TSPAN15: variants seen among roughly 807,000 people sequenced by gnomAD.
TSPAN15 encodes the protein tetraspanin-15.
In TSPAN15, 20 loss-of-function variants were observed where a neutral mutation model predicts 34.5. The observed-to-expected ratio is 0.58, with a 90% CI of 0.41 to 0.84. The LOEUF (loss-of-function observed/expected upper bound fraction) is 0.84, where lower values mean the gene tolerates loss of function less well. Among genes scored for constraint, TSPAN15 ranks in the 40% least tolerant of loss-of-function variants. The pLI, the probability that TSPAN15 is intolerant of heterozygous loss-of-function variation, is 0.00. For synonymous variants in TSPAN15, 155 were observed against 153.9 expected (o/e 1.01, Z -0.05); for missense variants, 313 against 386.1 (o/e 0.81, Z 1.59).
At chr10:69,493,689 G>T (rs1008415301) in intron 3 of TSPAN15, among the ~76,000 whole-genome samples, 2 of 152,156 alleles carry the variant, frequency 1.3e-5, no homozygotes, top group African/African-American at 2.4e-5. Context: ...AGCCAGGATG[G>T]TCTTGATCTC....
At chr10:69,530,623 T>C in the TSPAN15 span, among the ~76,000 whole-genome samples, 2 of 144,996 alleles carry the variant, frequency 1.4e-5, 1 homozygote, top group Non-Finnish European at 3.0e-5. Flanking sequence ...CTGGCCAACA[T>C]AGTGAGACCC....
the TSPAN15 span, among the ~76,000 whole-genome samples, chr10:69,527,106 T>A: frequency 6.8e-6 from 1 of 147,882 alleles, no homozygotes; most frequent in Non-Finnish European, 1.5e-5. Context: ...GATAAATAAG[T>A]TGTGTTATGT....
the TSPAN15 span, among the ~76,000 whole-genome samples, chr10:69,525,776 G>A: frequency 0.14 from 19,319 of 140,454 alleles, 2,920 homozygotes; most frequent in East Asian, 0.24. Context: ...AGCTGAGATC[G>A]CACCACTGCA....
chr10:69,523,992 A>G, the TSPAN15 span, among the ~76,000 whole-genome samples: 4 of 148,254 alleles, frequency 2.7e-5, 1 homozygote, highest in Non-Finnish European at 6.0e-5. Flanking sequence ...AAGGAAATCT[A>G]CAACTAGATA....
chr10:69,538,148 A>G, the TSPAN15 span, among the ~76,000 whole-genome samples: 1 of 152,190 alleles, frequency 6.6e-6, no homozygotes, highest in East Asian at 1.9e-4. Context: ...CCATCACCAA[A>G]TACCATCACA....
At chr10:69,509,504 T>A (rs888009680), downstream of TSPAN15, among the ~76,000 whole-genome samples, 1 of 152,144 alleles carries the variant, frequency 6.6e-6, no homozygotes, top group African/African-American at 2.4e-5. Context: ...GATGGATAGA[T>A]TGCAAAAATT....
At chr10:69,507,890 C>T (rs1319010950), downstream of TSPAN15, among the ~76,000 whole-genome samples, 2 of 151,330 alleles carry the variant, frequency 1.3e-5, no homozygotes, top group Non-Finnish European at 2.9e-5. Flanking sequence ...CCAGGTACAG[C>T]ATGAGGCTCC....
chr10:69,468,904 G>A (rs1475321672), intron 1 of TSPAN15, among the ~76,000 whole-genome samples: 1 of 152,114 alleles, frequency 6.6e-6, no homozygotes, highest in African/African-American at 2.4e-5. Flanking sequence ...AAAACCCTTG[G>A]AATTTCCTGA....
chr10:69,530,810 CTCTCTCTCTCTATATATA>C, the TSPAN15 span, among the ~76,000 whole-genome samples: 63 of 68,628 alleles, frequency 9.2e-4, 1 homozygote, highest in Middle Eastern at 6.3e-3. Flanking sequence ...CTCTCTCTCT[CTCTCTCTCTCTATATATA>C]TATATATATA....
chr10:69,486,081 CTT>C (rs2133117824), intron 3 of TSPAN15, among the ~76,000 whole-genome samples: 1 of 152,262 alleles, frequency 6.6e-6, no homozygotes, highest in East Asian at 1.9e-4. Context: ...TACTTGGCCT[CTT>C]GGATTATTAG....
intron 3 of TSPAN15, among the ~76,000 whole-genome samples, chr10:69,489,768 A>C (rs1369794719): frequency 1.3e-5 from 2 of 152,196 alleles, no homozygotes; most frequent in Non-Finnish European, 2.9e-5. Context: ...CCACTCATAG[A>C]GGGGCAAGTG....
At chr10:69,511,546 G>A (rs1564620384), downstream of TSPAN15, among the ~76,000 whole-genome samples, 1 of 151,916 alleles carries the variant, frequency 6.6e-6, no homozygotes, top group South Asian at 2.1e-4. Flanking sequence ...TTGATTTTTT[G>A]AAGGGTTTTT....
the TSPAN15 span, among the ~76,000 whole-genome samples, chr10:69,548,248 T>G: frequency 1.3e-5 from 2 of 152,210 alleles, no homozygotes; most frequent in African/African-American, 4.8e-5. Flanking sequence ...TCCATTGCAT[T>G]ATGGTGTTGT....
chr10:69,504,918 G>A (rs2133164901), intron 6 of TSPAN15, among the ~76,000 whole-genome samples: 1 of 152,284 alleles, frequency 6.6e-6, no homozygotes, highest in African/African-American at 2.4e-5. Flanking sequence ...GAGAGAAGCA[G>A]GGGTGGTGCT....
chr10:69,505,951 T>C (rs1842316081), intron 6 of TSPAN15, 173 bp from the exon 7 acceptor site: 5 of 595,194 alleles, frequency 8.4e-6, no homozygotes, highest in Non-Finnish European at 1.5e-5. Context: ...TAGAGAACAG[T>C]ACTGTCCATT....
intron 5 of TSPAN15, among the ~76,000 whole-genome samples, chr10:69,502,127 A>AT (rs1444469457): frequency 6.6e-6 from 1 of 151,400 alleles, no homozygotes; most frequent in African/African-American, 2.4e-5. Flanking sequence ...TCAGCAGAAC[A>AT]TACCAGCAGA....
At chr10:69,533,758 A>G in the TSPAN15 span, among the ~76,000 whole-genome samples, 2 of 152,232 alleles carry the variant, frequency 1.3e-5, no homozygotes, top group Non-Finnish European at 2.9e-5. Flanking sequence ...AGCACAGGTA[A>G]AACAACCTAG....
At chr10:69,536,143 A>G in the TSPAN15 span, among the ~76,000 whole-genome samples, 4 of 152,302 alleles carry the variant, frequency 2.6e-5, no homozygotes, top group South Asian at 4.1e-4. Context: ...GGCCAAGGGA[A>G]CTCAGTGAAC....
chr10:69,515,019 A>G, the TSPAN15 span, among the ~76,000 whole-genome samples: 2 of 152,246 alleles, frequency 1.3e-5, no homozygotes, highest in Middle Eastern at 3.4e-3. Context: ...TCTCATCAAC[A>G]TCACCAGTGA....
Sources: gnomAD v4.1 joint callset for allele counts (sites outside exome capture counted in the v4.1 genomes callset) on GRCh38, gnomAD v4.1.1 for gene constraint, MANE v1.5 for transcripts, NCBI Gene and HGNC (gene_info 2026-07-23, HGNC 2026-07-21) for gene names.